N4BP2L2: variants seen among roughly 807,000 people sequenced by gnomAD.
The protein encoded by N4BP2L2 is NEDD4 binding protein 2 like 2, also known as NEDD4-binding protein 2-like 2.
In N4BP2L2, 50 loss-of-function variants were observed where a neutral mutation model predicts 56.2. That is an observed-to-expected ratio of 0.89 (90% CI 0.71 to 1.13). The LOEUF is 1.13. Among genes scored for constraint, N4BP2L2 ranks in the 50% most tolerant of loss-of-function variants. The pLI is 0.00. For missense variants in N4BP2L2, 689 were observed against 693.8 expected, an observed-to-expected ratio of 0.99 and a Z score of 0.08; for synonymous variants, 203 against 223.6, an observed-to-expected ratio of 0.91 and a Z score of 0.82.
At chr13:32,510,711 C>G (rs1048720483) in exon 6 of N4BP2L2, 2 of 152,068 alleles carry the variant, frequency 1.3e-5, no homozygotes, top group African/African-American at 4.8e-5. Flanking sequence ...GTTGGCCAGG[C>G]TGGTCTCCAA....
At chr13:32,521,472 A>G in intron 4 of N4BP2L2, 23 bp from the exon 5 acceptor site, 1 of 1,538,324 alleles carries the variant, frequency 6.5e-7, no homozygotes, top group South Asian at 1.2e-5. Context: ...AAGGAAGAAA[A>G]CAAAAACCCA....
chr13:32,436,401 C>A, exon 9 of N4BP2L2: 2 of 1,229,834 alleles, frequency 1.6e-6, no homozygotes, highest in South Asian at 1.4e-5. Context: ...CTTCTTCTGT[C>A]TTTTCTAGAA....
chr13:32,452,341 G>A (rs758321495), intron 6 of N4BP2L2, among the ~76,000 whole-genome samples: 33 of 152,150 alleles, frequency 2.2e-4, no homozygotes, highest in East Asian at 5.8e-4. Context: ...GAATACAGGC[G>A]TGAGCCACTG....
chr13:32,481,513 C>T (rs1016859357), intron 6 of N4BP2L2, among the ~76,000 whole-genome samples: 3 of 152,186 alleles, frequency 2.0e-5, no homozygotes, highest in African/African-American at 7.2e-5. Flanking sequence ...ATACTCAAGA[C>T]TTCAGAGGAT....
At chr13:32,438,841 A>T in intron 7 of N4BP2L2, 1 of 746,190 alleles carries the variant, frequency 1.3e-6, no homozygotes, top group Non-Finnish European at 2.2e-6. Context: ...ATACCATTAA[A>T]AGTCTGGTTT....
chr13:32,469,803 T>A (rs568076197), intron 6 of N4BP2L2, among the ~76,000 whole-genome samples: 1 of 152,132 alleles, frequency 6.6e-6, no homozygotes, highest in Non-Finnish European at 1.5e-5. Flanking sequence ...TGCAACTCAA[T>A]TGGGAGAAGG....
intron 6 of N4BP2L2, among the ~76,000 whole-genome samples, chr13:32,500,865 CTTTTTT>C (rs368419149): frequency 1.6e-5 from 2 of 127,406 alleles, no homozygotes; most frequent in African/African-American, 2.9e-5. Context: ...TTAGTCTTTT[CTTTTTT>C]TTTTTTTTTT....
chr13:32,502,011 A>G (rs1231987045), intron 6 of N4BP2L2, among the ~76,000 whole-genome samples: 7 of 152,070 alleles, frequency 4.6e-5, no homozygotes, highest in Non-Finnish European at 8.8e-5. Flanking sequence ...ATCTTTGATA[A>G]ATTCGATAAT....
At chr13:32,456,714 G>A (rs1293044489) in intron 6 of N4BP2L2, among the ~76,000 whole-genome samples, 1 of 152,200 alleles carries the variant, frequency 6.6e-6, no homozygotes, top group Non-Finnish European at 1.5e-5. Context: ...TCCTGGAACT[G>A]AAGAATTCAA....
chr13:32,475,804 C>T (rs2083212408), intron 6 of N4BP2L2, among the ~76,000 whole-genome samples: 1 of 152,148 alleles, frequency 6.6e-6, no homozygotes, highest in African/African-American at 2.4e-5. Flanking sequence ...TACTTTCTTA[C>T]CTCCTATATC....
exon 10 of N4BP2L2, chr13:32,432,801 G>GT (rs1202933830): frequency 2.0e-5 from 3 of 152,114 alleles, no homozygotes. Context: ...CCTCTGTTGA[G>GT]TTTTTTTATT....
intron 7 of N4BP2L2, among the ~76,000 whole-genome samples, chr13:32,440,851 CTTTTT>C (rs34532527): frequency 7.4e-6 from 1 of 134,612 alleles, no homozygotes; most frequent in African/African-American, 2.8e-5. Context: ...AAATAACAAT[CTTTTT>C]TTTTTTTTTT....
At chr13:32,440,037 A>G (rs1177685773) in intron 7 of N4BP2L2, among the ~76,000 whole-genome samples, 2 of 151,920 alleles carry the variant, frequency 1.3e-5, no homozygotes, top group African/African-American at 4.8e-5. Context: ...AAAAAAAAAA[A>G]AAAGAAAAGG....
intron 6 of N4BP2L2, among the ~76,000 whole-genome samples, chr13:32,452,187 G>A (rs553820967): frequency 4.3e-4 from 65 of 151,498 alleles, no homozygotes; most frequent in African/African-American, 1.4e-3. Flanking sequence ...TCAGCCTCCC[G>A]AGTAGCTGGG....
chr13:32,500,863 TTC>T (rs1000302628), intron 6 of N4BP2L2, among the ~76,000 whole-genome samples: 2 of 138,794 alleles, frequency 1.4e-5, no homozygotes, highest in African/African-American at 5.1e-5. Flanking sequence ...CTTTAGTCTT[TTC>T]TTTTTTTTTT....
At chr13:32,453,758 G>A (rs915793810) in intron 6 of N4BP2L2, among the ~76,000 whole-genome samples, 1 of 152,296 alleles carries the variant, frequency 6.6e-6, no homozygotes, top group Non-Finnish European at 1.5e-5. Context: ...TAGTACCAAG[G>A]GTGGCAGAAA....
chr13:32,522,550 C>A (rs901585893), intron 3 of N4BP2L2: 2 of 220,052 alleles, frequency 9.1e-6, no homozygotes, highest in Non-Finnish European at 1.8e-5. Flanking sequence ...GGCTTCAAGT[C>A]TAGGACTAAC....
chr13:32,534,615 GAATT>G (rs2140319208), intron 2 of N4BP2L2, among the ~76,000 whole-genome samples: 1 of 152,266 alleles, frequency 6.6e-6, no homozygotes, highest in East Asian at 1.9e-4. Context: ...ATTCTGGAAT[GAATT>G]AATTCATTCA....
intron 9 of N4BP2L2, among the ~76,000 whole-genome samples, chr13:32,435,422 C>T (rs1375053967): frequency 2.6e-5 from 4 of 151,848 alleles, no homozygotes; most frequent in Admixed American, 1.3e-4. Context: ...TTAGTAGAAA[C>T]GGGGTTTTGC....
Sources: gnomAD v4.1 joint callset for allele counts (sites outside exome capture counted in the v4.1 genomes callset) on GRCh38, gnomAD v4.1.1 for gene constraint, MANE v1.5 for transcripts, NCBI Gene and HGNC (gene_info 2026-07-23, HGNC 2026-07-21) for gene names.